The following CCR9 variants were observed in gnomAD, a reference collection of about 807,000 sequenced individuals.
CCR9 encodes C-C motif chemokine receptor 9, also known as C-C chemokine receptor type 9.
CCR9 carries 4 observed loss-of-function variants against 8.7 expected under a neutral mutation model. The observed-to-expected ratio is 0.46, with a 90% confidence interval of 0.23 to 1.06. The LOEUF (loss-of-function observed/expected upper bound fraction) is 1.06, where lower values mean the gene tolerates loss of function less well. CCR9 is among the 50% of genes least tolerant of loss of function. The pLI, the probability that CCR9 is intolerant of heterozygous loss-of-function variation, is 0.21. For synonymous variants in CCR9, 159 were observed against 168.8 expected, an observed-to-expected ratio of 0.94 and a Z score of 0.45; for missense variants, 394 against 453.6, an observed-to-expected ratio of 0.87 and a Z score of 1.19.
At position 45,892,759 on chromosome 3, in the gene CCR9, C is replaced by A. The variant is rs754649991; in HGVS notation, c.-28-2147C>A. On this transcript the variant is annotated intron_variant, in intron 1 of 2. Coordinates refer to ENST00000357632, the MANE Select transcript of CCR9 (RefSeq NM_031200.3). ...CAAAAACAAACCAAAACAAAAAAAA[C>A]CCACGTGGGTCCGTAGTGATCTCTC... 1.2e-4 allele frequency among the ~76,000 whole-genome samples: 18 copies of A among 152,132 alleles called. No homozygotes were observed. In the Middle Eastern group the frequency reaches 0.014, roughly 115 times the overall value.
intron 1 of CCR9, among the ~76,000 whole-genome samples, chr3:45,890,310 T>TATATTTAAATATATATATAAC (rs1702124331): frequency 3.2e-5 from 2 of 63,014 alleles, no homozygotes; most frequent in Non-Finnish European, 5.7e-5. Flanking sequence ...ATAACATATA[T>TATATTTAAATATATATATAAC]ATATATTTAT....
intron 2 of CCR9, among the ~76,000 whole-genome samples, chr3:45,895,548 C>T (rs1702326331): frequency 6.6e-6 from 1 of 152,288 alleles, no homozygotes. Context: ...AACCCCATCT[C>T]TACTAAAAAT....
chr3:45,897,860 C>T (rs1318763246), intron 2 of CCR9, among the ~76,000 whole-genome samples: 2 of 151,590 alleles, frequency 1.3e-5, no homozygotes, highest in Non-Finnish European at 2.9e-5. Context: ...CTTGCTGGAC[C>T]GGAGAAGCAA....
At chr3:45,891,368 A>T (rs1206018024) in intron 1 of CCR9, among the ~76,000 whole-genome samples, 2 of 152,214 alleles carry the variant, frequency 1.3e-5, no homozygotes, top group East Asian at 1.9e-4. Context: ...TTGTGTAAAG[A>T]ATGCTTATAA....
rs771270016 is a variant in CCR9 at position 45,900,833 on chromosome 3, T to A, written c.45T>A (p.Asp15Glu). Residue 15 changes from aspartate (D) to glutamate (E), a missense_variant, in exon 3 of 3, where the codon GAT becomes GAA. Asp to Glu is a conservative substitution (Grantham distance 45, BLOSUM62 2). Transcript: ENST00000357632. This position sits in a 1 kb window ranked among gnomAD's most constrained non-coding sequence, Gnocchi z 4.7. The stretch of plus-strand genomic sequence containing the variant: ...AGAGCCCTATTCCTAACATGGCTGA[T>A]GACTATGGCTCTGAATCCACATCTT... The part of the protein sequence containing the change: ...DFTSPIPNMA[D>E]DYGSESTSSM... The A allele has an allele frequency of 6.2e-7, 1 of 1,612,940 alleles. No homozygotes were observed. Among genetic ancestry groups the A allele is most frequent in the South Asian group, 1.1e-5 (1 of 91,028 alleles).
In CCR9 at chr3:45,901,428, G is replaced by A. The variant is rs1702553720; in HGVS notation, c.640G>A (p.Val214Ile). ...TGAGAGCACCAAACTGAAGTCAGCT[G>A]TCTTGACCCTGAAGGTCATTCTGGG... ...SDESTKLKSA[V>I]LTLKVILGFF... The change falls in exon 3 of 3, where the codon GTC (valine) becomes ATC (isoleucine). Residue 214 changes from valine to isoleucine, a missense_variant. Transcript: ENST00000357632. This position sits in a 1 kb window ranked among gnomAD's most constrained non-coding sequence, Gnocchi z 4.3. 1 of 1,614,202 alleles carries A rather than the reference G, an allele frequency of 6.2e-7. No homozygotes were observed. The highest frequency in any genetic ancestry group is 8.5e-7 in the Non-Finnish European group (1 of 1,180,036).
At chr3:45,892,702 C>T (rs1236398240) in intron 1 of CCR9, among the ~76,000 whole-genome samples, 1 of 152,102 alleles carries the variant, frequency 6.6e-6, no homozygotes, top group Non-Finnish European at 1.5e-5. Context: ...TGCACATATA[C>T]CCCTGAAGCT....
rs771948402 is a variant in CCR9, at chr3:45,901,400, C to T, written c.612C>T (p.Ser204=). ...CTATCTGCACCATGGTTTACCCTAG[C>T]GATGAGAGCACCAAACTGAAGTCAG... is the stretch of plus-strand genomic sequence containing the variant. ...GIAICTMVYP[S]DESTKLKSAV... is the part of the protein sequence containing the mutation. The change falls in exon 3 of 3, where the codon AGC becomes AGT. Residue 204 remains serine, a synonymous_variant. Coordinates refer to ENST00000357632, the MANE Select transcript of CCR9 (RefSeq NM_031200.3). This position sits in a 1 kb window ranked among gnomAD's most constrained non-coding sequence, Gnocchi z 4.3. 2.5e-5 allele frequency: 40 copies of T among 1,614,058 alleles called. No individual in the cohort carries two copies. Among genetic ancestry groups the T allele is most frequent in the African/African-American group, 1.5e-4 (11 of 74,910 alleles).
intron 2 of CCR9, among the ~76,000 whole-genome samples, chr3:45,896,351 G>A (rs1197751971): frequency 6.6e-6 from 1 of 152,210 alleles, no homozygotes; most frequent in Admixed American, 6.5e-5. Flanking sequence ...GCTCTTGTCA[G>A]AGGAGTCTGG....
intron 1 of CCR9, among the ~76,000 whole-genome samples, chr3:45,892,052 C>T (rs1307528648): frequency 6.6e-6 from 1 of 152,064 alleles, no homozygotes; most frequent in African/African-American, 2.4e-5. Context: ...CTCCAAGGAG[C>T]CCTGGCTGTT....
chr3:45,891,149 C>A (rs1702168003), intron 1 of CCR9, among the ~76,000 whole-genome samples: 2 of 152,236 alleles, frequency 1.3e-5, no homozygotes, highest in South Asian at 4.1e-4. Context: ...TCCTGGCCCC[C>A]AGAGGGCTGC....
At chr3:45,899,949 A>T (rs1344049650) in intron 2 of CCR9, among the ~76,000 whole-genome samples, 2 of 152,132 alleles carry the variant, frequency 1.3e-5, no homozygotes, top group Non-Finnish European at 2.9e-5. Context: ...ATGTGTGTAT[A>T]TATGTGTGCA....
Position 45,901,669 on chromosome 3 carries a change from A to G in CCR9, c.881A>G (p.Asn294Ser). 1 of 1,613,896 alleles carries G rather than the reference A, an allele frequency of 6.2e-7. No homozygotes were observed. Among genetic ancestry groups the G allele is most frequent in the Non-Finnish European group, 8.5e-7 (1 of 1,179,798 alleles). ...ATCTCCAACTGTGCCGTTTCCACCAACATTGACATCTGCTTCCAGGTCACC... is the reference window on the plus strand; with the variant it reads ...ATCTCCAACTGTGCCGTTTCCACCAGCATTGACATCTGCTTCCAGGTCACC... ...MFISNCAVST[N>S]IDICFQVTQT... The change falls in exon 3 of 3, where the codon AAC becomes AGC. Residue 294 changes from asparagine (N) to serine (S), a missense_variant. Coordinates refer to ENST00000357632, the MANE Select transcript of CCR9 (RefSeq NM_031200.3). This position sits in a 1 kb window ranked among gnomAD's most constrained non-coding sequence, Gnocchi z 4.3.
At chr3:45,894,048 T>C (rs1702272292) in intron 1 of CCR9, among the ~76,000 whole-genome samples, 1 of 152,158 alleles carries the variant, frequency 6.6e-6, no homozygotes, top group Non-Finnish European at 1.5e-5. Flanking sequence ...TTCCTTGAAA[T>C]GTACTCGCTA....
At chr3:45,889,066 G>A (rs1307794818) in intron 1 of CCR9, among the ~76,000 whole-genome samples, 1 of 152,168 alleles carries the variant, frequency 6.6e-6, no homozygotes, top group East Asian at 1.9e-4. Context: ...GCTCACTTCA[G>A]CCTTGAACTC....
In CCR9 at chr3:45,900,876, AACTTCAACTTCACTG is replaced by A. The variant is rs1702528591; in HGVS notation, c.94_108del (p.Asn32_Phe36del). 1 of 1,614,018 alleles carries A rather than the reference AACTTCAACTTCACTG, an allele frequency of 6.2e-7. No individual in the cohort carries two copies. Among genetic ancestry groups the A allele is most frequent in the Non-Finnish European group, 8.5e-7 (1 of 1,180,012 alleles). On this transcript the variant is annotated inframe_deletion, in exon 3 of 3. Transcript: ENST00000357632. The surrounding 1 kb of genome is among the most constrained non-coding windows in gnomAD (Gnocchi z 4.7). ...CACATCTTCCATGGAAGACTACGTT[AACTTCAACTTCACTG>A]ACTTCTACTGTGAGAAAAACAATGT...
rs1258293451 is a variant in CCR9 at position 45,903,000 on chromosome 3, T to G, written c.*1102T>G. On this transcript the variant is annotated 3_prime_UTR_variant, in exon 3 of 3. Coordinates refer to ENST00000357632, the MANE Select transcript of CCR9 (RefSeq NM_031200.3). The stretch of plus-strand genomic sequence containing the variant: ...AAAAAAATAAGTAATGGAATTCACC[T>G]TTGCATCTTTTGTGTCTTTCTTATC... The G allele has an allele frequency of 1.2e-5, 2 of 167,134 alleles. No homozygotes were observed. The highest frequency in any genetic ancestry group is 1.3e-4 in the Admixed American group (2 of 15,284). The allele number at this position is 167,134 out of a possible 1,614,324, so 10.4% of individuals were successfully genotyped here.
chr3:45,887,329 T>C (rs919773821), intron 1 of CCR9, among the ~76,000 whole-genome samples: 7 of 152,072 alleles, frequency 4.6e-5, no homozygotes, highest in Non-Finnish European at 1.0e-4. Context: ...AACTTAACAA[T>C]GGCTAAACTA....
At chr3:45,887,274 T>A (rs1702012057) in intron 1 of CCR9, among the ~76,000 whole-genome samples, 1 of 151,752 alleles carries the variant, frequency 6.6e-6, no homozygotes, top group Non-Finnish European at 1.5e-5. Flanking sequence ...TGTGTGTGTG[T>A]GAGGTTGTGT....
Sources: allele counts gnomAD v4.1 joint callset (sites outside exome capture counted in the v4.1 genomes callset), GRCh38; gene constraint gnomAD v4.1.1; non-coding constraint Gnocchi (gnomAD v3.1); transcripts MANE v1.5; gene names NCBI Gene and HGNC (gene_info 2026-07-23, HGNC 2026-07-21).